ITGAL: variants seen among roughly 807,000 people sequenced by gnomAD.
The protein encoded by ITGAL is integrin subunit alpha L, also known as integrin alpha-L.
A neutral mutation model predicts 138.4 loss-of-function variants in ITGAL; 68 were observed. The ratio of observed to expected loss-of-function variants is 0.49; its 90% CI spans 0.40 to 0.60. ITGAL has a LOEUF of 0.60. Ranked by LOEUF, ITGAL falls within the 20% of genes least tolerant of loss-of-function variation. The pLI, the probability that ITGAL is intolerant of heterozygous loss-of-function variation, is 0.00. For missense variants in ITGAL, 1,256 were observed against 1,478.6 expected (o/e 0.85, Z 2.47); for synonymous variants, 561 against 584.3 (o/e 0.96, Z 0.57).
At chr16:30,497,880 G>A (rs1310055899) in intron 15 of ITGAL, among the ~76,000 whole-genome samples, 3 of 151,628 alleles carry the variant, frequency 2.0e-5, no homozygotes, top group Non-Finnish European at 2.9e-5. Context: ...CTGGGAGGTC[G>A]AGGTTGCAGT....
Position 30,474,195 on chromosome 16 carries a change from G to T in ITGAL, c.62-1G>T. On this transcript the variant is annotated splice_acceptor_variant, in intron 1 of 30. Transcript: ENST00000356798. LOFTEE classifies it high-confidence loss of function. ...CAGCTGACGACCCTTGCCTTCCTCA[G>T]CGCCGGCCTCGAGCTACAACCTGGA... The T allele has an allele frequency of 6.3e-7, 1 of 1,596,280 alleles. No individual in the cohort carries two copies. The highest frequency in any genetic ancestry group is 8.5e-7 in the Non-Finnish European group (1 of 1,171,874).
At chr16:30,502,748 CAA>C (rs752065644) in intron 17 of ITGAL, among the ~76,000 whole-genome samples, 7 of 105,608 alleles carry the variant, frequency 6.6e-5, no homozygotes, top group African/African-American at 7.4e-5. Flanking sequence ...AACTCCATCT[CAA>C]AAAAAAAAAA....
At position 30,494,589 on chromosome 16, in the gene ITGAL, G is replaced by A. The variant is rs2050773713; in HGVS notation, c.1366-124G>A. 5.6e-6 allele frequency: 7 copies of A among 1,261,096 alleles called. No individual in the cohort carries two copies. The African/African-American group carries it at 6.0e-5, about 11-fold the overall frequency. 78.1% of individuals were successfully genotyped at this position (1,261,096 alleles called of 1,614,324 possible). ...CTTGTCTTAACGCACATAGACTAGG[G>A]GTGGATCCAAGATTGGAACCTGCAT... On this transcript the variant is annotated intron_variant, in intron 12 of 30. Transcript: ENST00000356798. The surrounding 1 kb of genome is among the most constrained non-coding windows in gnomAD (Gnocchi z 4.2).
intron 7 of ITGAL, among the ~76,000 whole-genome samples, 182 bp from the exon 8 acceptor site, chr16:30,483,644 GA>G (rs1244344185): frequency 6.6e-6 from 1 of 152,182 alleles, no homozygotes; most frequent in South Asian, 2.1e-4. Context: ...CACTGGTCCA[GA>G]AGGAAAGGGG....
Position 30,505,403 on chromosome 16 carries a change from G to A in ITGAL, c.2307G>A (p.Lys769=). The A allele has an allele frequency of 6.2e-7, 1 of 1,614,098 alleles. No individual in the cohort carries two copies. The highest frequency in any genetic ancestry group is 8.5e-7 in the Non-Finnish European group (1 of 1,180,022). The change falls in exon 20 of 31, where the codon AAG becomes AAA. Residue 769 remains lysine (K), a synonymous_variant. Coordinates refer to ENST00000356798, the MANE Select transcript of ITGAL (RefSeq NM_002209.3). ...HSETWEIPFE[K]NCGEDKKCEA... ...TGGTGTTTCAGATCCCTTTTGAGAA[G>A]AACTGTGGGGAGGACAAGAAGTGTG...
At chr16:30,495,829 A>G (rs1195612549) in intron 13 of ITGAL, among the ~76,000 whole-genome samples, 1 of 152,086 alleles carries the variant, frequency 6.6e-6, no homozygotes, top group Non-Finnish European at 1.5e-5. Context: ...AGCCTGTGCG[A>G]CAGAGCAAGA....
chr16:30,485,678 A>ATTTTTTTTT (rs60648321), intron 9 of ITGAL, among the ~76,000 whole-genome samples: 1 of 141,162 alleles, frequency 7.1e-6, no homozygotes, highest in African/African-American at 2.6e-5. Flanking sequence ...CACCTGGCTA[A>ATTTTTTTTT]TTTTTTTTTT....
At chr16:30,505,183 T>A in intron 18 of ITGAL, 61 bp from the exon 19 acceptor site, 2 of 1,458,936 alleles carry the variant, frequency 1.4e-6, no homozygotes, top group Non-Finnish European at 1.8e-6. Flanking sequence ...CTCTCCTTCA[T>A]GAGGTCTGCT....
chr16:30,520,848 G>T (rs1286149221), intron 30 of ITGAL, among the ~76,000 whole-genome samples: 1 of 152,226 alleles, frequency 6.6e-6, no homozygotes. Context: ...ACTTTGGGAG[G>T]CAGAGGCAGG....
chr16:30,479,138 G>A lies in ITGAL; in HGVS notation c.375G>A (p.Leu125=). 1 of 1,614,184 alleles carries A rather than the reference G, an allele frequency of 6.2e-7. No individual in the cohort carries two copies. Among genetic ancestry groups the A allele is most frequent in the Non-Finnish European group, 8.5e-7 (1 of 1,180,032 alleles). Residue 125 remains leucine, a synonymous_variant, in exon 5 of 31, where the codon CTG becomes CTA. Coordinates refer to ENST00000356798, the MANE Select transcript of ITGAL (RefSeq NM_002209.3). The stretch of plus-strand genomic sequence containing the variant: ...GAACGTGTGACCAGAACACCTATCT[G>A]AGTGGCCTGTGTTACCTCTTCCGCC... The part of the protein sequence containing the change: ...LSRTCDQNTY[L]SGLCYLFRQN...
In ITGAL at chr16:30,522,040, C is replaced by G. The variant is rs916334586; in HGVS notation, c.*375C>G. The stretch of plus-strand genomic sequence containing the variant: ...GGATGTCCACAGATGCCTCCACCCC[C>G]CAGAACCTGTCCTTGCACACTCCCC... On this transcript the variant is annotated 3_prime_UTR_variant, in exon 31 of 31. Transcript: ENST00000356798. This position sits in a 1 kb window ranked among gnomAD's most constrained non-coding sequence, Gnocchi z 4.0. The G allele has an allele frequency of 1.9e-5, 4 of 210,284 alleles. No homozygotes were observed. Among genetic ancestry groups the G allele is most frequent in the Non-Finnish European group, 3.9e-5 (4 of 103,366 alleles). 13.0% of individuals were successfully genotyped at this position (210,284 alleles called of 1,614,324 possible).
chr16:30,511,342 T>G (rs972659531), intron 24 of ITGAL, among the ~76,000 whole-genome samples: 3 of 152,212 alleles, frequency 2.0e-5, no homozygotes, highest in African/African-American at 2.4e-5. Context: ...AGGGAAGGAT[T>G]AGCATTTACT....
chr16:30,505,075 G>A (rs966402728), intron 18 of ITGAL, 169 bp from the exon 19 acceptor site: 3 of 500,146 alleles, frequency 6.0e-6, no homozygotes, highest in Non-Finnish European at 1.1e-5. Context: ...ATGGCAGTAG[G>A]CTGAGGCAGC....
At chr16:30,521,400 C>G in intron 30 of ITGAL, 92 bp from the exon 31 acceptor site, 3 of 1,117,638 alleles carry the variant, frequency 2.7e-6, no homozygotes, top group Admixed American at 4.5e-5. Flanking sequence ...CAGTGAGACT[C>G]CATCTCAAAA....
chr16:30,516,826 C>G lies in ITGAL; in HGVS notation c.2863-147C>G, dbSNP rs545751264. The G allele has an allele frequency of 2.7e-4, 187 of 688,270 alleles. 1 individual carries two copies. The African/African-American group carries it at 3.2e-3, about 12-fold the overall frequency. 42.6% of individuals were successfully genotyped at this position (688,270 alleles called of 1,614,324 possible). A position where few individuals can be genotyped will look rare whatever the true frequency, so the allele number is the denominator to read the frequency against. ...GCCCTGAGGACGGAAGCTGGCCATG[C>G]CCAGTCACTGGACACTGCCTAACCG... On this transcript the variant is annotated intron_variant, in intron 25 of 30. Coordinates refer to ENST00000356798, the MANE Select transcript of ITGAL (RefSeq NM_002209.3).
chr16:30,476,872 G>C (rs937370366), intron 4 of ITGAL, among the ~76,000 whole-genome samples: 2 of 152,160 alleles, frequency 1.3e-5, no homozygotes, highest in African/African-American at 4.8e-5. Context: ...GACCTGAGGT[G>C]ATCTGCCCGC....
At chr16:30,507,008 T>C in intron 21 of ITGAL, 152 bp downstream of exon 21, 1 of 808,542 alleles carries the variant, frequency 1.2e-6, no homozygotes, top group Non-Finnish European at 1.9e-6. Flanking sequence ...AGCCTCGAGC[T>C]GTATGATCCG....
At chr16:30,512,359 G>A (rs2051102481) in intron 24 of ITGAL, among the ~76,000 whole-genome samples, 1 of 152,078 alleles carries the variant, frequency 6.6e-6, no homozygotes, top group Non-Finnish European at 1.5e-5. Flanking sequence ...GGCCAAGGTG[G>A]GTGGATCACT....
At chr16:30,505,485 C>T in intron 20 of ITGAL, 23 bp downstream of exon 20, 1 of 1,585,282 alleles carries the variant, frequency 6.3e-7, no homozygotes. Context: ...TCCCACCCTC[C>T]AGCCTCCCAT....
Sources: gnomAD v4.1 joint callset for allele counts (sites outside exome capture counted in the v4.1 genomes callset) on GRCh38, gnomAD v4.1.1 for gene constraint, Gnocchi (gnomAD v3.1) non-coding constraint, MANE v1.5 for transcripts, NCBI Gene and HGNC (gene_info 2026-07-23, HGNC 2026-07-21) for gene names.